The following CAMK1D variants were observed in gnomAD, a reference collection of about 807,000 sequenced individuals.
The protein encoded by CAMK1D is calcium/calmodulin-dependent protein kinase type 1D.
CAMK1D carries 9 observed loss-of-function variants against 47.7 expected under a neutral mutation model. The observed-to-expected ratio is 0.19, with a 90% CI of 0.11 to 0.33. The LOEUF is 0.33. Ranked by LOEUF, CAMK1D falls within the 10% of genes least tolerant of loss-of-function variation. CAMK1D has a pLI of 1.00. For synonymous variants in CAMK1D, 184 were observed against 184.9 expected, an observed-to-expected ratio of 0.99 and a Z score of 0.04; for missense variants, 291 against 488.7, an observed-to-expected ratio of 0.60 and a Z score of 3.81.
chr10:12,612,170 T>A (rs1838647844), intron 2 of CAMK1D, among the ~76,000 whole-genome samples: 1 of 152,066 alleles, frequency 6.6e-6, no homozygotes, highest in South Asian at 2.1e-4. Context: ...TCATGGAGCT[T>A]CCACTTCCAA....
At chr10:12,662,651 C>CTAAAAAAAAAAAAAAAAAAAAA (rs1840307605) in intron 2 of CAMK1D, among the ~76,000 whole-genome samples, 1 of 140,434 alleles carries the variant, frequency 7.1e-6, no homozygotes, top group Non-Finnish European at 1.6e-5. Context: ...CACTCTGCCT[C>CTAAAAAAAAAAAAAAAAAAAAA]AAAAAAAAAA....
chr10:12,541,219 G>A (rs949152497), intron 1 of CAMK1D, among the ~76,000 whole-genome samples: 8 of 152,226 alleles, frequency 5.3e-5, no homozygotes, highest in African/African-American at 1.7e-4. Context: ...CATTAGTGGT[G>A]TGTGATTTAG....
At chr10:12,394,769 T>C (rs1389829258) in intron 1 of CAMK1D, among the ~76,000 whole-genome samples, 1 of 152,174 alleles carries the variant, frequency 6.6e-6, no homozygotes, top group African/African-American at 2.4e-5. Flanking sequence ...AGTTCTAGGC[T>C]AAAGTGTTTA....
chr10:12,382,826 A>G (rs1838382405), intron 1 of CAMK1D, among the ~76,000 whole-genome samples: 3 of 152,112 alleles, frequency 2.0e-5, no homozygotes, highest in Admixed American at 2.0e-4. Context: ...CTTCATCTCA[A>G]ACAAACAAAC....
chr10:12,414,051 A>C (rs952330828), intron 1 of CAMK1D, among the ~76,000 whole-genome samples: 1 of 152,198 alleles, frequency 6.6e-6, no homozygotes, highest in Non-Finnish European at 1.5e-5. Context: ...AAAAATTAAG[A>C]TTTAGCAACT....
chr10:12,551,944 G>A (rs1836597009), intron 1 of CAMK1D, among the ~76,000 whole-genome samples: 2 of 152,280 alleles, frequency 1.3e-5, no homozygotes, highest in Admixed American at 1.3e-4. Flanking sequence ...CTCTGGACAC[G>A]GGAACGTTGG....
chr10:12,418,491 C>G lies in CAMK1D; in HGVS notation c.92+68581C>G, dbSNP rs987367417. 2.6e-5 allele frequency among the ~76,000 whole-genome samples: 4 copies of G among 152,130 alleles called. No individual in the cohort carries two copies. The South Asian group carries it at 8.3e-4, about 31-fold the overall frequency. On this transcript the variant is annotated intron_variant, in intron 1 of 10. Coordinates refer to ENST00000619168, the MANE Select transcript of CAMK1D (RefSeq NM_153498.4). ...GGCACCGTGGCATATGCCTGTAGTC[C>G]TAGCTACTGGGGAGGCTGAGGTGGG... is the stretch of plus-strand genomic sequence containing the variant.
At chr10:12,422,903 C>T (rs1467288377) in intron 1 of CAMK1D, among the ~76,000 whole-genome samples, 1 of 151,998 alleles carries the variant, frequency 6.6e-6, no homozygotes, top group Non-Finnish European at 1.5e-5. Flanking sequence ...GAACTCCTGA[C>T]CTCAAGTGAT....
At chr10:12,444,399 G>A (rs73587090) in intron 1 of CAMK1D, among the ~76,000 whole-genome samples, 1,969 of 152,236 alleles carry the variant, frequency 0.013, 24 homozygotes, top group East Asian at 0.059. Context: ...TGCTGATGTC[G>A]ATGAAAAGAG....
At chr10:12,531,661 A>G (rs967273901) in intron 1 of CAMK1D, among the ~76,000 whole-genome samples, 3 of 152,232 alleles carry the variant, frequency 2.0e-5, no homozygotes, top group Non-Finnish European at 4.4e-5. Flanking sequence ...TTCGAGGCCT[A>G]ACTTGCGTGC....
chr10:12,624,211 C>CGT lies in CAMK1D; in HGVS notation c.225-42510_225-42509dup, dbSNP rs771627230. ...GTATATCCCCATATGAGAGTGTGTG[C>CGT]GTGTGTGTGTGTGTGTAAATTTTCT... On this transcript the variant is annotated intron_variant, in intron 2 of 10. Coordinates refer to ENST00000619168, the MANE Select transcript of CAMK1D (RefSeq NM_153498.4). 1.7e-3 allele frequency among the ~76,000 whole-genome samples: 253 copies of CGT among 151,122 alleles called. 1 individual carries two copies. Among genetic ancestry groups the CGT allele is most frequent in the African/African-American group, 5.3e-3 (219 of 41,222 alleles).
At chr10:12,360,107 A>G (rs1837615960) in intron 1 of CAMK1D, among the ~76,000 whole-genome samples, 1 of 152,208 alleles carries the variant, frequency 6.6e-6, no homozygotes, top group Non-Finnish European at 1.5e-5. Context: ...GCAGAGGAAG[A>G]AAAAGCTCCT....
intron 1 of CAMK1D, among the ~76,000 whole-genome samples, chr10:12,479,433 T>C (rs557008368): frequency 2.6e-5 from 4 of 152,126 alleles, no homozygotes; most frequent in African/African-American, 9.7e-5. Context: ...TGACTTCAGG[T>C]GATCCATCTG....
At chr10:12,770,379 G>A (rs1477575429) in intron 5 of CAMK1D, among the ~76,000 whole-genome samples, 3 of 152,114 alleles carry the variant, frequency 2.0e-5, no homozygotes, top group East Asian at 3.9e-4. Flanking sequence ...CTGAACACTT[G>A]GATTCTGATG....
intron 1 of CAMK1D, among the ~76,000 whole-genome samples, chr10:12,389,378 C>G (rs1337586506): frequency 6.6e-6 from 1 of 152,172 alleles, no homozygotes; most frequent in Non-Finnish European, 1.5e-5. Flanking sequence ...CGACACTGCT[C>G]TCCTTGGGGT....
intron 6 of CAMK1D, among the ~76,000 whole-genome samples, chr10:12,793,845 C>G (rs1485386259): frequency 6.6e-6 from 1 of 152,152 alleles, no homozygotes. Context: ...ACCACGTTTA[C>G]CATGGACTGT....
chr10:12,492,782 C>T (rs986104159), intron 1 of CAMK1D, among the ~76,000 whole-genome samples: 8 of 152,254 alleles, frequency 5.3e-5, no homozygotes, highest in Admixed American at 5.2e-4. Context: ...CTCCCCACCA[C>T]ACCTGTATGT....
intron 1 of CAMK1D, among the ~76,000 whole-genome samples, chr10:12,397,571 G>A (rs144413414): frequency 6.6e-6 from 1 of 152,278 alleles, no homozygotes; most frequent in African/African-American, 2.4e-5. Context: ...CCGCTGTGCC[G>A]TCCTTGAGGG....
chr10:12,357,090 T>C (rs951923640), intron 1 of CAMK1D, among the ~76,000 whole-genome samples: 1 of 151,692 alleles, frequency 6.6e-6, no homozygotes, highest in African/African-American at 2.4e-5. Flanking sequence ...CTGGGAGGGC[T>C]TAGGCATGGG....
Sources: allele counts gnomAD v4.1 joint callset (sites outside exome capture counted in the v4.1 genomes callset), GRCh38; gene constraint gnomAD v4.1.1; transcripts MANE v1.5; gene names NCBI Gene and HGNC (gene_info 2026-07-23, HGNC 2026-07-21).